PABPC4L: variants seen among roughly 807,000 people sequenced by gnomAD.
PABPC4L encodes polyadenylate-binding protein 4-like.
For missense variants in PABPC4L, 452 were observed against 451.4 expected (o/e 1.00, Z -0.01); for synonymous variants, 169 against 164.1 (o/e 1.03, Z -0.23).
At chr4:134,113,236 A>G in the PABPC4L span, among the ~76,000 whole-genome samples, 1 of 151,878 alleles carries the variant, frequency 6.6e-6, no homozygotes, top group Non-Finnish European at 1.5e-5. Context: ...TAAATGTGCA[A>G]TGTTTATAAG....
chr4:134,006,027 T>G, the PABPC4L span, among the ~76,000 whole-genome samples: 9 of 152,054 alleles, frequency 5.9e-5, no homozygotes, highest in East Asian at 1.5e-3. Context: ...ACAATTTAAG[T>G]TGTGTAATAT....
chr4:134,169,009 T>C, the PABPC4L span, among the ~76,000 whole-genome samples: 1 of 152,148 alleles, frequency 6.6e-6, no homozygotes, highest in South Asian at 2.1e-4. Flanking sequence ...CTGTTGTTGG[T>C]TTGGTGATCA....
chr4:134,148,377 C>T, the PABPC4L span, among the ~76,000 whole-genome samples: 1 of 151,994 alleles, frequency 6.6e-6, no homozygotes. Flanking sequence ...ACAAACAAAA[C>T]CAACAAATTA....
At chr4:134,097,110 C>A in the PABPC4L span, among the ~76,000 whole-genome samples, 2 of 151,880 alleles carry the variant, frequency 1.3e-5, no homozygotes, top group Non-Finnish European at 2.9e-5. Context: ...ATTACCTGCC[C>A]TAGCCTATAC....
the PABPC4L span, among the ~76,000 whole-genome samples, chr4:134,177,307 C>G: frequency 2.6e-5 from 4 of 151,508 alleles, no homozygotes; most frequent in Non-Finnish European, 4.4e-5. Context: ...CTCCCAACAG[C>G]TGGGACTACA....
the PABPC4L span, among the ~76,000 whole-genome samples, chr4:133,962,814 G>A: frequency 6.6e-6 from 1 of 152,076 alleles, no homozygotes; most frequent in Non-Finnish European, 1.5e-5. Flanking sequence ...GAGAAAATTT[G>A]CCACTACCAA....
At chr4:134,038,246 G>A in the PABPC4L span, among the ~76,000 whole-genome samples, 1 of 152,034 alleles carries the variant, frequency 6.6e-6, no homozygotes, top group African/African-American at 2.4e-5. Context: ...TAAGATTTTT[G>A]CATTGATGTT....
chr4:134,166,383 A>C, the PABPC4L span, among the ~76,000 whole-genome samples: 1 of 152,218 alleles, frequency 6.6e-6, no homozygotes, highest in African/African-American at 2.4e-5. Context: ...GAAAATAGTT[A>C]TCTGCTTCCT....
the PABPC4L span, among the ~76,000 whole-genome samples, chr4:134,001,092 C>A: frequency 2.0e-5 from 3 of 151,976 alleles, no homozygotes; most frequent in East Asian, 3.9e-4. Flanking sequence ...TTTTCAACAG[C>A]ACATATGAAA....
the PABPC4L span, among the ~76,000 whole-genome samples, chr4:134,158,378 A>G: frequency 4.6e-5 from 7 of 152,134 alleles, no homozygotes; most frequent in East Asian, 1.9e-4. Flanking sequence ...TTTAAGCTCA[A>G]TTGTTTTTAT....
At chr4:134,111,843 TA>T in the PABPC4L span, among the ~76,000 whole-genome samples, 3 of 151,986 alleles carry the variant, frequency 2.0e-5, no homozygotes, top group Admixed American at 2.0e-4. Flanking sequence ...CCCTCTTTTG[TA>T]AATTGCCCAG....
the PABPC4L span, among the ~76,000 whole-genome samples, chr4:133,951,102 G>GT: frequency 1.3e-5 from 2 of 151,938 alleles, no homozygotes; most frequent in African/African-American, 4.8e-5. Flanking sequence ...TTGTTTGTTT[G>GT]TTTTTTTGTT....
the PABPC4L span, among the ~76,000 whole-genome samples, chr4:134,120,753 G>A: frequency 1.3e-5 from 2 of 151,280 alleles, no homozygotes; most frequent in Non-Finnish European, 3.0e-5. Context: ...TTAGGACACT[G>A]AATATTTCTC....
At chr4:134,186,775 A>T in the PABPC4L span, among the ~76,000 whole-genome samples, 10 of 152,140 alleles carry the variant, frequency 6.6e-5, no homozygotes, top group African/African-American at 9.7e-5. Context: ...ATGGGAAAAA[A>T]TTTTTGCAAT....
At chr4:133,965,494 A>G in the PABPC4L span, among the ~76,000 whole-genome samples, 2 of 152,176 alleles carry the variant, frequency 1.3e-5, no homozygotes, top group African/African-American at 2.4e-5. Context: ...ACCAAAAAAG[A>G]GCCCACATAG....
At chr4:133,973,867 A>G in the PABPC4L span, among the ~76,000 whole-genome samples, 3 of 152,144 alleles carry the variant, frequency 2.0e-5, no homozygotes, top group Non-Finnish European at 4.4e-5. Flanking sequence ...TTAAAATGAA[A>G]AATTAGGGAG....
the PABPC4L span, among the ~76,000 whole-genome samples, chr4:133,955,294 C>A: frequency 6.6e-6 from 1 of 151,124 alleles, no homozygotes; most frequent in South Asian, 2.1e-4. Flanking sequence ...TTTTTTAAAC[C>A]TGCTTCATAA....
At chr4:134,178,964 AAC>A in the PABPC4L span, among the ~76,000 whole-genome samples, 240 of 152,232 alleles carry the variant, frequency 1.6e-3, 1 homozygote, top group African/African-American at 5.5e-3. Flanking sequence ...AGCAACTTAA[AAC>A]ACATATTTCA....
chr4:134,011,502 C>A, the PABPC4L span, among the ~76,000 whole-genome samples: 38 of 152,092 alleles, frequency 2.5e-4, 1 homozygote, highest in East Asian at 1.9e-3. Flanking sequence ...TCAACATTTT[C>A]TTTTTCTAAG....
Sources: gnomAD v4.1 joint callset for allele counts (sites outside exome capture counted in the v4.1 genomes callset) on GRCh38, gnomAD v4.1.1 for gene constraint, MANE v1.5 for transcripts, NCBI Gene and HGNC (gene_info 2026-07-23, HGNC 2026-07-21) for gene names.